The following PPP1R12B variants were observed in gnomAD, a reference collection of about 807,000 sequenced individuals.
PPP1R12B encodes myosin phosphatase target subunit 2.
Under a neutral mutation model 126.1 loss-of-function variants are expected in PPP1R12B, and 76 were observed. The observed-to-expected ratio is 0.60, with a 90% CI of 0.50 to 0.73. PPP1R12B has a LOEUF of 0.73. Ranked by LOEUF, PPP1R12B falls within the 30% of genes least tolerant of loss-of-function variation. The probability of loss-of-function intolerance (pLI) is 0.00; values close to 1 mark genes in which losing one functional copy is unlikely to be tolerated. For synonymous variants in PPP1R12B, 356 were observed against 434.7 expected, an observed-to-expected ratio of 0.82 and a Z score of 2.25; for missense variants, 1,052 against 1,205.1, an observed-to-expected ratio of 0.87 and a Z score of 1.88.
At position 202,363,396 on chromosome 1, in the gene PPP1R12B, T is replaced by C. The variant is rs141264950; in HGVS notation, c.291+14254T>C. Among the ~76,000 whole-genome samples, 524 of 152,274 alleles carry C rather than the reference T, an allele frequency of 3.4e-3. 3 individuals are homozygous for C. The highest frequency in any genetic ancestry group is 5.0e-3 in the Non-Finnish European group (341 of 68,028). ...GTAAAAGTGGAGAAAAGGGTATTGA[T>C]CATTATCTACACATTTACCTTTGTA... On this transcript the variant is annotated intron_variant, in intron 1 of 23. Coordinates refer to ENST00000608999, the MANE Select transcript of PPP1R12B (RefSeq NM_002481.4).
At chr1:202,501,275 G>T (rs1680198765) in intron 18 of PPP1R12B, among the ~76,000 whole-genome samples, 1 of 152,174 alleles carries the variant, frequency 6.6e-6, no homozygotes, top group South Asian at 2.1e-4. Context: ...CACATAGAAT[G>T]TTTGCCCTGG....
At chr1:202,502,108 A>T in intron 18 of PPP1R12B, 1 of 985,752 alleles carries the variant, frequency 1.0e-6, no homozygotes, top group Non-Finnish European at 1.2e-6. Context: ...AATCTGAACA[A>T]AATCACTGAA....
intron 1 of PPP1R12B, among the ~76,000 whole-genome samples, chr1:202,377,001 A>G (rs1245728766): frequency 1.3e-5 from 2 of 152,170 alleles, no homozygotes; most frequent in Non-Finnish European, 2.9e-5. Context: ...CTCATCAGCC[A>G]TCATTAGTAT....
intron 1 of PPP1R12B, among the ~76,000 whole-genome samples, chr1:202,377,542 G>A (rs1661400525): frequency 6.6e-6 from 1 of 152,020 alleles, no homozygotes; most frequent in Non-Finnish European, 1.5e-5. Flanking sequence ...CCGACACCAT[G>A]ATCCGCCCGC....
chr1:202,470,557 A>G (rs1308700206), intron 13 of PPP1R12B, among the ~76,000 whole-genome samples: 1 of 152,062 alleles, frequency 6.6e-6, no homozygotes, highest in Non-Finnish European at 1.5e-5. Context: ...ATCTTTATAT[A>G]TTTTATTTAT....
At chr1:202,410,715 A>T (rs2148597088) in intron 1 of PPP1R12B, among the ~76,000 whole-genome samples, 1 of 152,320 alleles carries the variant, frequency 6.6e-6, no homozygotes, top group East Asian at 1.9e-4. Flanking sequence ...GGAGATTATC[A>T]TTGCCAGACA....
At chr1:202,575,314 A>T (rs1415200869) in intron 23 of PPP1R12B, 1 of 929,440 alleles carries the variant, frequency 1.1e-6, no homozygotes, top group East Asian at 2.6e-5. Context: ...ATAGAATGGG[A>T]CATACCAGCC....
intron 2 of PPP1R12B, among the ~76,000 whole-genome samples, chr1:202,417,607 C>T (rs1668250120): frequency 6.6e-6 from 1 of 152,116 alleles, no homozygotes; most frequent in African/African-American, 2.4e-5. Context: ...AACAAGGAAA[C>T]ATCTTTGAAA....
At chr1:202,551,850 C>T (rs1686364980) in intron 18 of PPP1R12B, among the ~76,000 whole-genome samples, 1 of 152,178 alleles carries the variant, frequency 6.6e-6, no homozygotes, top group South Asian at 2.1e-4. Context: ...GGAGCTTCTG[C>T]AAGCAGTAAG....
intron 1 of PPP1R12B, among the ~76,000 whole-genome samples, chr1:202,379,890 A>G (rs1421840948): frequency 1.3e-5 from 2 of 152,178 alleles, no homozygotes; most frequent in Admixed American, 1.3e-4. Flanking sequence ...GGAAATTTCA[A>G]TTTAGTAGAT....
At chr1:202,365,641 G>A (rs1659088419) in intron 1 of PPP1R12B, among the ~76,000 whole-genome samples, 1 of 152,110 alleles carries the variant, frequency 6.6e-6, no homozygotes, top group South Asian at 2.1e-4. Context: ...ACATCTGTCT[G>A]ACTCAGAAGC....
At chr1:202,439,472 G>C (rs1671318959) in intron 10 of PPP1R12B, 2 of 1,471,924 alleles carry the variant, frequency 1.4e-6, no homozygotes. Flanking sequence ...GCCCCGGCAA[G>C]GGTGCCTGGT....
intron 13 of PPP1R12B, among the ~76,000 whole-genome samples, chr1:202,472,566 T>A (rs1295124713): frequency 6.6e-6 from 1 of 152,190 alleles, no homozygotes; most frequent in African/African-American, 2.4e-5. Flanking sequence ...GTAAAAACAT[T>A]GTCATTGTGA....
At chr1:202,374,178 G>A (rs1489260357) in intron 1 of PPP1R12B, among the ~76,000 whole-genome samples, 3 of 151,996 alleles carry the variant, frequency 2.0e-5, no homozygotes, top group Non-Finnish European at 4.4e-5. Flanking sequence ...AAGGCTTTTA[G>A]GTACCTCAGA....
intron 13 of PPP1R12B, among the ~76,000 whole-genome samples, chr1:202,465,953 A>G (rs541495993): frequency 6.6e-6 from 1 of 152,360 alleles, no homozygotes; most frequent in East Asian, 1.9e-4. Context: ...ACAGTGTTTA[A>G]TAGAACACTT....
intron 12 of PPP1R12B, chr1:202,448,697 TCAC>T (rs1672559992): frequency 2.8e-6 from 1 of 357,562 alleles, no homozygotes; most frequent in African/African-American, 2.0e-5. Flanking sequence ...CTTGCATATG[TCAC>T]TATCTTGCCT....
In PPP1R12B at chr1:202,562,791, G is replaced by C. The variant is rs377170564; in HGVS notation, c.2521G>C (p.Gly841Arg). Residue 841 changes from glycine to arginine, a missense_variant, in exon 20 of 24, where the codon GGT becomes CGT. Physicochemically the swap from Gly to Arg is moderately radical, Grantham distance 125. Coordinates refer to ENST00000608999, the MANE Select transcript of PPP1R12B (RefSeq NM_002481.4). ...TATCTCCCACAGGTTGGAATCGGGA[G>C]GTAGTAATCCTACAACCAGTGATTC... Reference protein sequence around the residue: ...HERLSRLESGGSNPTTSDSYG... With the variant: ...HERLSRLESGRSNPTTSDSYG... The C allele has an allele frequency of 1.6e-5, 26 of 1,611,642 alleles. 1 individual carries two copies. Among genetic ancestry groups the C allele is most frequent in the Non-Finnish European group, 2.0e-5 (23 of 1,178,564 alleles).
At position 202,589,442 on chromosome 1, in the gene PPP1R12B, A is replaced by G. The variant is rs2149054676; in HGVS notation, c.*8882A>G. ...TGTTTGTAACCCAAGCAGCAGCAGA[A>G]CAAGCACACTTGATGTCATGGTTGA... On this transcript the variant is annotated 3_prime_UTR_variant, in exon 24 of 24. Transcript: ENST00000608999. The G allele has an allele frequency of 6.6e-6, 1 of 152,354 alleles. No homozygotes were observed. The highest frequency in any genetic ancestry group is 2.1e-4 in the South Asian group (1 of 4,820). 9.4% of individuals were successfully genotyped at this position (152,354 alleles called of 1,614,324 possible).
rs1668958431 is a variant in PPP1R12B at position 202,422,706 on chromosome 1, A to G, written c.509A>G (p.Lys170Arg). The G allele has an allele frequency of 6.2e-7, 1 of 1,613,712 alleles. No homozygotes were observed. The highest frequency in any genetic ancestry group is 8.5e-7 in the Non-Finnish European group (1 of 1,179,780). ...GACCTTGCAGAAGAGCCAGCCATGA[A>G]GGATCTTCTTCTGGAGCAAGTAAAG... ...PSDLAEEPAM[K>R]DLLLEQVKKQ... The change falls in exon 3 of 24, where the codon AAG becomes AGG. Residue 170 changes from lysine (K) to arginine (R), a missense_variant. Lys to Arg is a conservative substitution (Grantham distance 26, BLOSUM62 2). Transcript: ENST00000608999.
Sources: allele counts gnomAD v4.1 joint callset (sites outside exome capture counted in the v4.1 genomes callset), GRCh38; gene constraint gnomAD v4.1.1; transcripts MANE v1.5; gene names NCBI Gene and HGNC (gene_info 2026-07-23, HGNC 2026-07-21).